The following PRKN variants were observed in gnomAD, a reference collection of about 807,000 sequenced individuals.
PRKN encodes the protein E3 ubiquitin-protein ligase parkin.
A neutral mutation model predicts 59.5 loss-of-function variants in PRKN; 56 were observed. That is an observed-to-expected ratio of 0.94 (90% CI 0.76 to 1.18). PRKN has a LOEUF of 1.18. Among genes scored for constraint, PRKN ranks in the 50% most tolerant of loss-of-function variants. PRKN has a pLI of 0.00. For synonymous variants in PRKN, 250 were observed against 222.1 expected (o/e 1.13, Z -1.12); for missense variants, 657 against 596.4 (o/e 1.10, Z -1.06).
intron 2 of PRKN, among the ~76,000 whole-genome samples, chr6:162,371,764 T>C (rs755124287): frequency 2.6e-5 from 4 of 152,204 alleles, no homozygotes; most frequent in Non-Finnish European, 5.9e-5. Flanking sequence ...TCCAGTTCTG[T>C]GATGCCAACA....
intron 10 of PRKN, among the ~76,000 whole-genome samples, chr6:161,364,585 T>C (rs934122578): frequency 1.3e-5 from 2 of 149,970 alleles, no homozygotes; most frequent in Admixed American, 6.6e-5. Context: ...GGGTAACGTA[T>C]GGTAAATCAC....
At chr6:162,510,166 C>A (rs552169020) in intron 1 of PRKN, among the ~76,000 whole-genome samples, 68 of 152,310 alleles carry the variant, frequency 4.5e-4, no homozygotes, top group Middle Eastern at 3.4e-3. Context: ...AACACCGACA[C>A]CTCTACGTTC....
chr6:162,191,485 C>T (rs868836388), intron 4 of PRKN, among the ~76,000 whole-genome samples: 1 of 152,180 alleles, frequency 6.6e-6, no homozygotes, highest in Non-Finnish European at 1.5e-5. Context: ...CTCTGTCACC[C>T]AAGCTGGAGT....
chr6:162,337,209 T>C (rs997394618), intron 2 of PRKN, among the ~76,000 whole-genome samples: 6 of 152,214 alleles, frequency 3.9e-5, no homozygotes, highest in African/African-American at 1.4e-4. Flanking sequence ...TGAATCTGCC[T>C]AATTAAGCAA....
intron 1 of PRKN, among the ~76,000 whole-genome samples, chr6:162,444,139 C>T (rs756043910): frequency 1.2e-4 from 18 of 152,106 alleles, no homozygotes; most frequent in Non-Finnish European, 2.1e-4. Context: ...GTCTGCATGC[C>T]GTCTTCTCAC....
At chr6:162,109,658 C>A (rs2128301810) in intron 4 of PRKN, among the ~76,000 whole-genome samples, 1 of 152,316 alleles carries the variant, frequency 6.6e-6, no homozygotes, top group Admixed American at 6.5e-5. Flanking sequence ...AGTGTGCACT[C>A]CTCTGCTATT....
Position 161,445,998 on chromosome 6 carries a change from G to A in PRKN, c.1084-59121C>T, listed in dbSNP as rs1789473232. Among the ~76,000 whole-genome samples the A allele has an allele frequency of 6.6e-6, 1 of 151,870 alleles. No individual in the cohort carries two copies. The highest frequency in any genetic ancestry group is 6.6e-5 in the Admixed American group (1 of 15,256). On this transcript the variant is annotated intron_variant, in intron 9 of 11. Transcript: ENST00000366898. This position sits in a 1 kb window ranked among gnomAD's most constrained non-coding sequence, Gnocchi z 7.7. ...AGAGGCAAACTGTTTGAGCCCAGGA[G>A]TTTGAGACCAGCCTGGGCAACATGG...
chr6:161,449,259 C>T (rs1340632836), intron 9 of PRKN, among the ~76,000 whole-genome samples: 1 of 152,144 alleles, frequency 6.6e-6, no homozygotes, highest in Non-Finnish European at 1.5e-5. Context: ...TTAGCATGTC[C>T]TCTAAGCAAA....
chr6:162,212,854 G>GT (rs1392622601), intron 3 of PRKN, among the ~76,000 whole-genome samples: 1 of 152,156 alleles, frequency 6.6e-6, no homozygotes, highest in East Asian at 1.9e-4. Context: ...AACAGTAACT[G>GT]TAACACAATG....
chr6:162,451,070 G>A (rs1790601447), intron 1 of PRKN, among the ~76,000 whole-genome samples: 1 of 152,044 alleles, frequency 6.6e-6, no homozygotes, highest in South Asian at 2.1e-4. Flanking sequence ...GATCAGACTT[G>A]CACACAAAGA....
intron 9 of PRKN, among the ~76,000 whole-genome samples, chr6:161,450,307 C>T (rs977497725): frequency 1.3e-5 from 2 of 152,158 alleles, no homozygotes; most frequent in African/African-American, 2.4e-5. Flanking sequence ...TGTCTTCCTA[C>T]GCCTCCCTGA....
At position 161,902,556 on chromosome 6, in the gene PRKN, A is replaced by ATCTATTTTTTTT. The variant is rs1382089937; in HGVS notation, c.734+70745_734+70746insAAAAAAAATAGA. Reference sequence around the variant, plus strand: ...TATCTATCTATCTATCTATTTATTTATTTATTTATTTTTTTTTTTTTGCGA... The same window carrying ATCTATTTTTTTT: ...TATCTATCTATCTATCTATTTATTTATCTATTTTTTTTTTTATTTATTTTTTTTTTTTTGCGA... On this transcript the variant is annotated intron_variant, in intron 6 of 11. Coordinates refer to ENST00000366898, the MANE Select transcript of PRKN (RefSeq NM_004562.3). Among the ~76,000 whole-genome samples, 236 of 118,066 alleles carry ATCTATTTTTTTT rather than the reference A, an allele frequency of 2.0e-3. 22 individuals are homozygous for ATCTATTTTTTTT. Among genetic ancestry groups the ATCTATTTTTTTT allele is most frequent in the African/African-American group, 2.7e-3 (77 of 28,520 alleles). 77.5% of individuals were successfully genotyped at this position (118,066 alleles called of 152,430 possible). A position where few individuals can be genotyped will look rare whatever the true frequency, so the allele number is the denominator to read the frequency against.
chr6:161,489,895 C>T (rs992473699), intron 9 of PRKN, among the ~76,000 whole-genome samples: 4 of 152,182 alleles, frequency 2.6e-5, no homozygotes, highest in African/African-American at 9.7e-5. Context: ...TATGCTAACA[C>T]CAACTTCTGG....
chr6:161,819,888 T>C (rs1206914631), intron 6 of PRKN, among the ~76,000 whole-genome samples: 2 of 152,096 alleles, frequency 1.3e-5, no homozygotes, highest in Non-Finnish European at 2.9e-5. Context: ...TTATCAAAAC[T>C]CGTAAGAGAT....
At chr6:161,948,826 G>A (rs1169402053) in intron 6 of PRKN, among the ~76,000 whole-genome samples, 1 of 152,218 alleles carries the variant, frequency 6.6e-6, no homozygotes, top group Non-Finnish European at 1.5e-5. Flanking sequence ...TCAAGAAGCT[G>A]GCATTTCAAC....
chr6:161,800,002 C>T (rs1583179935), intron 6 of PRKN, among the ~76,000 whole-genome samples: 1 of 152,238 alleles, frequency 6.6e-6, no homozygotes, highest in Admixed American at 6.5e-5. Context: ...AAGGAAGCCA[C>T]ATGGGGCCTT....
intron 1 of PRKN, among the ~76,000 whole-genome samples, chr6:162,606,504 G>A (rs1781920124): frequency 6.6e-6 from 1 of 152,138 alleles, no homozygotes; most frequent in Non-Finnish European, 1.5e-5. Context: ...ACCATTGAGA[G>A]GTCATAAACT....
intron 7 of PRKN, among the ~76,000 whole-genome samples, chr6:161,632,298 T>C (rs1389535794): frequency 1.3e-5 from 2 of 152,306 alleles, no homozygotes; most frequent in East Asian, 3.9e-4. Flanking sequence ...CAAGGGTTAT[T>C]CTAGGATTTA....
At chr6:161,516,447 T>G (rs1583178020) in intron 9 of PRKN, among the ~76,000 whole-genome samples, 2 of 104,338 alleles carry the variant, frequency 1.9e-5, no homozygotes, top group Non-Finnish European at 1.8e-5. Context: ...CCAGCCTGGG[T>G]GGCAGAGTGA....
Sources: gnomAD v4.1 joint callset for allele counts (sites outside exome capture counted in the v4.1 genomes callset) on GRCh38, gnomAD v4.1.1 for gene constraint, Gnocchi (gnomAD v3.1) non-coding constraint, MANE v1.5 for transcripts, NCBI Gene and HGNC (gene_info 2026-07-23, HGNC 2026-07-21) for gene names.